Variants in GRK3 observed in about 807,000 individuals in gnomAD.
GRK3 encodes the protein G protein-coupled receptor kinase 3, also known as adrenergic, beta, receptor kinase 2.
GRK3 carries 54 observed loss-of-function variants against 95.7 expected under a neutral mutation model. The observed-to-expected ratio is 0.56, with a 90% confidence interval of 0.45 to 0.71. GRK3 has a LOEUF of 0.71. GRK3 is among the 30% of genes least tolerant of loss of function. The pLI is 0.00. For missense variants in GRK3, 649 were observed against 851.2 expected, an observed-to-expected ratio of 0.76 and a Z score of 2.96; for synonymous variants, 281 against 290.8, an observed-to-expected ratio of 0.97 and a Z score of 0.34.
intron 2 of GRK3, among the ~76,000 whole-genome samples, chr22:25,611,158 G>A (rs758720559): frequency 2.3e-4 from 35 of 152,100 alleles, no homozygotes; most frequent in Non-Finnish European, 5.0e-4. Context: ...CACGGTGTCC[G>A]GCCTACAGAG....
At position 25,721,355 on chromosome 22, in the gene GRK3, G is replaced by T; in HGVS notation, c.1863G>T (p.Leu621Phe). 6.2e-7 allele frequency: 1 copy of T among 1,605,110 alleles called. No homozygotes were observed. Among genetic ancestry groups the T allele is most frequent in the Non-Finnish European group, 8.5e-7 (1 of 1,174,944 alleles). ...AAATTAAAGACAAAAAATGCATTTT[G>T]TTCAGAATAAAAGGAGGGAAACAAT... Reference protein sequence around the residue: ...ETQIKDKKCILFRIKGGKQFV... With the variant: ...ETQIKDKKCIFFRIKGGKQFV... The change falls in exon 20 of 21, where the codon TTG becomes TTT. Residue 621 changes from leucine to phenylalanine, a missense_variant. By Grantham distance (22) the Leu-to-Phe change is conservative (BLOSUM62 0). Around this residue, in one of 3 missense-constraint regions of GRK3, gnomAD observed 382 missense variants for 493.8 expected, o/e 0.77. Coordinates refer to ENST00000324198, the MANE Select transcript of GRK3 (RefSeq NM_005160.4).
intron 16 of GRK3, among the ~76,000 whole-genome samples, chr22:25,710,389 G>T (rs753675084): frequency 3.3e-5 from 5 of 151,938 alleles, no homozygotes; most frequent in Non-Finnish European, 7.4e-5. Context: ...TGCCATAAAC[G>T]TATGTATATT....
At position 25,723,137 on chromosome 22, in the gene GRK3, T is replaced by A. The variant is rs16980612; in HGVS notation, c.*687T>A. The A allele has an allele frequency of 1.3e-5, 2 of 152,200 alleles. No individual in the cohort carries two copies. Among genetic ancestry groups the A allele is most frequent in the Non-Finnish European group, 2.9e-5 (2 of 68,100 alleles). The allele number at this position is 152,200 out of a possible 1,614,324, so 9.4% of individuals were successfully genotyped here. ...ATTGAAGGCATTCATCCGTCCATCA[T>A]TGGAAAGATTTACAGTGATTCTGAA... On this transcript the variant is annotated 3_prime_UTR_variant, in exon 21 of 21. Coordinates refer to ENST00000324198, the MANE Select transcript of GRK3 (RefSeq NM_005160.4).
Position 25,564,952 on chromosome 22 carries a change from C to G in GRK3, c.-89C>G, listed in dbSNP as rs973849854. 1.1e-5 allele frequency: 3 copies of G among 272,748 alleles called. No individual in the cohort carries two copies. The highest frequency in any genetic ancestry group is 2.4e-5 in the African/African-American group (1 of 42,466). The allele number at this position is 272,748 out of a possible 1,614,324, so 16.9% of individuals were successfully genotyped here. A position where few individuals can be genotyped will look rare whatever the true frequency, so the allele number is the denominator to read the frequency against. ...GGGGGCTGCCCCGGGGCGGCCCCCCCAGGTCGGGGCGCGGCGGGCGGCGGC... is the reference window on the plus strand; with the variant it reads ...GGGGGCTGCCCCGGGGCGGCCCCCCGAGGTCGGGGCGCGGCGGGCGGCGGC... On this transcript the variant is annotated 5_prime_UTR_variant, in exon 1 of 21. Coordinates refer to ENST00000324198, the MANE Select transcript of GRK3 (RefSeq NM_005160.4).
intron 2 of GRK3, among the ~76,000 whole-genome samples, chr22:25,624,161 G>A (rs544468807): frequency 1.3e-5 from 2 of 151,920 alleles, no homozygotes; most frequent in African/African-American, 2.4e-5. Flanking sequence ...GTGAACATGC[G>A]TCATGCTCCT....
Position 25,565,159 on chromosome 22 carries a change from A to G in GRK3, c.113+6A>G, listed in dbSNP as rs1237963643. ...ATCGTCCTGCCGGAGCCCAGGTACC[A>G]GCTGCCCCGGCCGGCGCCGGCCCCA... is the stretch of plus-strand genomic sequence containing the variant. On this transcript the variant is annotated splice_donor_region_variant and intron_variant, in intron 1 of 20. Transcript: ENST00000324198. The G allele has an allele frequency of 6.7e-7, 1 of 1,483,824 alleles. No homozygotes were observed. The highest frequency in any genetic ancestry group is 9.0e-7 in the Non-Finnish European group (1 of 1,110,752). The allele number at this position is 1,483,824 out of a possible 1,614,324, so 91.9% of individuals were successfully genotyped here.
rs1047627188 is a variant in GRK3 at position 25,674,463 on chromosome 22, T to C, written c.582T>C (p.His194=). Residue 194 remains histidine (H), a synonymous_variant, in exon 8 of 21, where the codon CAT becomes CAC. Transcript: ENST00000324198. The stretch of plus-strand genomic sequence containing the variant: ...TGACCATGAATGAGTTCAGTGTGCA[T>C]AGGATTATTGGACGAGGAGGATTCG... ...IHLTMNEFSV[H]RIIGRGGFGE... 1.2e-6 allele frequency: 2 copies of C among 1,613,986 alleles called. No homozygotes were observed. The highest frequency in any genetic ancestry group is 1.7e-6 in the Non-Finnish European group (2 of 1,179,864).
chr22:25,615,819 CAG>C (rs1381586491), intron 2 of GRK3, among the ~76,000 whole-genome samples: 2 of 146,376 alleles, frequency 1.4e-5, no homozygotes, highest in Non-Finnish European at 3.0e-5. Context: ...TGGCTTTAAA[CAG>C]GGTGTTTTAA....
intron 2 of GRK3, among the ~76,000 whole-genome samples, chr22:25,641,001 A>C (rs1455268342): frequency 6.6e-6 from 1 of 152,172 alleles, no homozygotes; most frequent in African/African-American, 2.4e-5. Context: ...CTTTTTATAT[A>C]ATTTAAGGCT....
rs541375486 is a variant in GRK3 at position 25,567,159 on chromosome 22, A to G, written c.113+2006A>G. Among the ~76,000 whole-genome samples, 9 of 152,308 alleles carry G rather than the reference A, an allele frequency of 5.9e-5. No individual in the cohort carries two copies. The East Asian group carries it at 1.5e-3, about 26-fold the overall frequency. On this transcript the variant is annotated intron_variant, in intron 1 of 20. Transcript: ENST00000324198. ...TCATGACATTTGAAAATTGAGAAAT[A>G]CCAACCAGAGAGTAATTTTAGGAAA...
At chr22:25,706,278 C>T (rs1001920654) in intron 15 of GRK3, among the ~76,000 whole-genome samples, 1 of 152,152 alleles carries the variant, frequency 6.6e-6, no homozygotes, top group Admixed American at 6.5e-5. Context: ...AGTTGGGTGT[C>T]AGGGAAGAAG....
chr22:25,719,332 C>G (rs750776869), intron 19 of GRK3, among the ~76,000 whole-genome samples: 8 of 152,168 alleles, frequency 5.3e-5, no homozygotes, highest in Non-Finnish European at 1.2e-4. Context: ...GGAAGGGTGA[C>G]TCAGACCAGG....
intron 3 of GRK3, among the ~76,000 whole-genome samples, chr22:25,660,633 A>G (rs925374643): frequency 2.6e-5 from 4 of 152,182 alleles, no homozygotes; most frequent in Non-Finnish European, 5.9e-5. Flanking sequence ...TTGATTTCAA[A>G]GCTGTGAAAG....
chr22:25,653,180 G>C (rs572630735), intron 3 of GRK3, among the ~76,000 whole-genome samples: 91 of 152,248 alleles, frequency 6.0e-4, no homozygotes, highest in Non-Finnish European at 9.4e-4. Flanking sequence ...CAAACAAAGA[G>C]TAAGTAGCTA....
At chr22:25,599,936 G>C (rs1307449845) in intron 1 of GRK3, among the ~76,000 whole-genome samples, 1 of 152,182 alleles carries the variant, frequency 6.6e-6, no homozygotes, top group Non-Finnish European at 1.5e-5. Flanking sequence ...ACAACAGAAG[G>C]TGGTTTGGCA....
chr22:25,673,190 T>C (rs1286225959), intron 7 of GRK3, among the ~76,000 whole-genome samples: 1 of 151,740 alleles, frequency 6.6e-6, no homozygotes, highest in Admixed American at 6.6e-5. Flanking sequence ...GCCTCTTAAG[T>C]AGTTGGGACT....
intron 1 of GRK3, among the ~76,000 whole-genome samples, chr22:25,593,264 T>A (rs1038694152): frequency 6.6e-6 from 1 of 152,158 alleles, no homozygotes; most frequent in African/African-American, 2.4e-5. Context: ...TCCAAACAGC[T>A]TTTCACAGTG....
At chr22:25,579,952 C>T (rs2146317760) in intron 1 of GRK3, among the ~76,000 whole-genome samples, 1 of 152,246 alleles carries the variant, frequency 6.6e-6, no homozygotes, top group African/African-American at 2.4e-5. Context: ...CAGACTATCA[C>T]CAACTGAATT....
intron 2 of GRK3, among the ~76,000 whole-genome samples, chr22:25,644,164 T>G (rs1170505640): frequency 2.0e-5 from 3 of 150,758 alleles, no homozygotes. Context: ...TGTTTTTTTT[T>G]TAGGGAGTTT....
Sources: gnomAD v4.1 joint callset for allele counts (sites outside exome capture counted in the v4.1 genomes callset) on GRCh38, gnomAD v4.1.1 for gene constraint, gnomAD v4.1.1 regional missense constraint, MANE v1.5 for transcripts, NCBI Gene and HGNC (gene_info 2026-07-23, HGNC 2026-07-21) for gene names.